Variants in FLCN observed in about 807,000 individuals in gnomAD.
FLCN encodes BHD skin lesion fibrofolliculoma protein.
A neutral mutation model predicts 62.5 loss-of-function variants in FLCN; 22 were observed. That is an observed-to-expected ratio of 0.35 (90% CI 0.25 to 0.50). The LOEUF (loss-of-function observed/expected upper bound fraction) is 0.50. Among genes scored for constraint, FLCN ranks in the 20% least tolerant of loss-of-function variants. FLCN has a pLI of 0.97. For synonymous variants in FLCN, 319 were observed against 310.0 expected (o/e 1.03, Z -0.30); for missense variants, 657 against 778.0 (o/e 0.84, Z 1.85).
intron 11 of FLCN, among the ~76,000 whole-genome samples, chr17:17,215,693 TGAAACC>T: frequency 6.6e-6 from 1 of 152,292 alleles, no homozygotes; most frequent in African/African-American, 2.4e-5. Context: ...GAAGTCTGTT[TGAAACC>T]AGAGCCTGTG....
At chr17:17,224,373 A>G in intron 5 of FLCN, 1 of 575,558 alleles carries the variant, frequency 1.7e-6, no homozygotes. Context: ...AACAAGGCTT[A>G]TTGCTTTTCT....
upstream of FLCN, chr17:17,237,262 G>C (rs1281066726): frequency 6.6e-6 from 1 of 152,272 alleles, no homozygotes; most frequent in African/African-American, 2.4e-5. Flanking sequence ...ACCGCGAGGA[G>C]AGCCGGGCCT....
intron 3 of FLCN, among the ~76,000 whole-genome samples, chr17:17,230,508 C>G (rs1426277670): frequency 1.3e-5 from 2 of 150,746 alleles, no homozygotes; most frequent in Non-Finnish European, 3.0e-5. Flanking sequence ...CGAGCCTGGG[C>G]AACAAAGTGA....
In FLCN at chr17:17,221,105, C is replaced by T. The variant is rs1033835657; in HGVS notation, c.871+432G>A. The T allele has an allele frequency of 8.4e-5, 112 of 1,326,444 alleles. No individual in the cohort carries two copies. In the Admixed American group the frequency reaches 3.2e-3, roughly 38 times the overall value. 82.2% of individuals were successfully genotyped at this position (1,326,444 alleles called of 1,614,324 possible). ...GGGCCCCAAGCCCCAGATCAGGAAC[C>T]TGGGGAAGCCCAGGCACCTGGGAGG... On this transcript the variant is annotated intron_variant, in intron 8 of 13. Coordinates refer to ENST00000285071, the MANE Select transcript of FLCN (RefSeq NM_144997.7).
Position 17,222,568 on chromosome 17 carries a change from C to T in FLCN, c.712G>A (p.Ala238Thr), listed in dbSNP as rs964077477. 3 of 1,614,128 alleles carry T rather than the reference C, an allele frequency of 1.9e-6. No individual in the cohort carries two copies. The highest frequency in any genetic ancestry group is 1.1e-5 in the South Asian group (1 of 91,088). Residue 238 changes from alanine to threonine, a missense_variant, in exon 7 of 14, where the codon GCC becomes ACC. Ala to Thr is a moderately conservative substitution (Grantham distance 58). Transcript: ENST00000285071. ...PFLHQRNGNA[A>T]RSLTSLTSDD... ...CTTGTCAGCGATGTCAGCGAGCGGG[C>T]GGCGTTGCCGTTCCTCTGGTGTAGG...
At chr17:17,226,052 G>T in intron 5 of FLCN, 124 bp downstream of exon 5, 1 of 1,365,500 alleles carries the variant, frequency 7.3e-7, no homozygotes, top group Non-Finnish European at 1.0e-6. Context: ...GTGCTGATCT[G>T]CGGGTCCGCC....
chr17:17,217,638 C>G (rs2046967000), intron 9 of FLCN: 1 of 297,960 alleles, frequency 3.4e-6, no homozygotes, highest in African/African-American at 2.2e-5. Context: ...TGTGCACAAG[C>G]CCAGGGCTGC....
In FLCN at chr17:17,212,709, C is replaced by G. The variant is rs1011841230; in HGVS notation, c.*946G>C. On this transcript the variant is annotated 3_prime_UTR_variant, in exon 14 of 14. Coordinates refer to ENST00000285071, the MANE Select transcript of FLCN (RefSeq NM_144997.7). ...GCTGAGGCAGGAGAATTGCTTGAAC[C>G]CAGGAGGCAGAGGTTGCAGTGAGCC... The G allele has an allele frequency of 3.8e-5, 7 of 183,224 alleles. No individual in the cohort carries two copies. Among genetic ancestry groups the G allele is most frequent in the Non-Finnish European group, 8.1e-5 (7 of 86,314 alleles). 11.3% of individuals were successfully genotyped at this position (183,224 alleles called of 1,614,324 possible).
At chr17:17,221,821 G>A (rs1003473979) in intron 7 of FLCN, among the ~76,000 whole-genome samples, 193 bp from the exon 8 acceptor site, 5 of 152,196 alleles carry the variant, frequency 3.3e-5, no homozygotes, top group Admixed American at 1.3e-4. Flanking sequence ...AGATGGATGG[G>A]AGGAACTTGG....
intron 3 of FLCN, among the ~76,000 whole-genome samples, chr17:17,231,276 G>A (rs1207338157): frequency 2.0e-5 from 3 of 152,278 alleles, no homozygotes; most frequent in African/African-American, 7.2e-5. Flanking sequence ...GCCATGTCCT[G>A]AGTGTTTGCT....
chr17:17,214,749 G>A (rs547193148), intron 13 of FLCN, among the ~76,000 whole-genome samples: 21 of 152,184 alleles, frequency 1.4e-4, no homozygotes, highest in East Asian at 1.2e-3. Flanking sequence ...AGCCTCAGTC[G>A]CTCTCCAAGG....
chr17:17,230,237 C>G (rs908020110), intron 3 of FLCN, among the ~76,000 whole-genome samples: 1 of 152,074 alleles, frequency 6.6e-6, no homozygotes, highest in African/African-American at 2.4e-5. Context: ...TAGGAGAGGC[C>G]GGCACAGTGG....
chr17:17,217,276 T>G (rs1811483214), intron 9 of FLCN, 94 bp from the exon 10 acceptor site: 2 of 893,004 alleles, frequency 2.2e-6, no homozygotes, highest in African/African-American at 3.3e-5. Flanking sequence ...TAAAACTTTG[T>G]AGAGCAAAGA....
chr17:17,215,605 T>C (rs940181785), intron 11 of FLCN, among the ~76,000 whole-genome samples: 1 of 152,210 alleles, frequency 6.6e-6, no homozygotes, highest in Non-Finnish European at 1.5e-5. Context: ...ATGAGGGTGG[T>C]CTCACCATGA....
chr17:17,228,520 A>C, intron 3 of FLCN: 1 of 287,030 alleles, frequency 3.5e-6, no homozygotes, highest in Non-Finnish European at 6.8e-6. Flanking sequence ...AATAGATAAA[A>C]GGCCACAGGG....
intron 3 of FLCN, among the ~76,000 whole-genome samples, chr17:17,230,924 C>A (rs568712749): frequency 6.6e-6 from 1 of 151,752 alleles, no homozygotes; most frequent in Admixed American, 6.6e-5. Flanking sequence ...AGGCTGAGTG[C>A]GGTTGTTCAT....
At position 17,237,031 on chromosome 17, in the gene FLCN, G is replaced by C. The variant is rs2047601246; in HGVS notation, c.-347C>G. ...GGTCGCTGCGGGACCCGGACCGGCGGAATCACACCCAGAGCCCCCAAGCCC... is the reference window on the plus strand; with the variant it reads ...GGTCGCTGCGGGACCCGGACCGGCGCAATCACACCCAGAGCCCCCAAGCCC... On this transcript the variant is annotated 5_prime_UTR_variant, in exon 1 of 14. Transcript: ENST00000285071. The C allele has an allele frequency of 6.6e-6, 1 of 152,204 alleles. No homozygotes were observed. The highest frequency in any genetic ancestry group is 2.4e-5 in the African/African-American group (1 of 41,442). 9.4% of individuals were successfully genotyped at this position (152,204 alleles called of 1,614,324 possible). A position where few individuals can be genotyped will look rare whatever the true frequency, so the allele number is the denominator to read the frequency against.
At position 17,224,042 on chromosome 17, in the gene FLCN, G is replaced by C. The variant is rs1040675580; in HGVS notation, c.498C>G (p.Phe166Leu). The C allele has an allele frequency of 6.2e-7, 1 of 1,613,786 alleles. No homozygotes were observed. Among genetic ancestry groups the C allele is most frequent in the Non-Finnish European group, 8.5e-7 (1 of 1,180,052 alleles). ...FFIKDSLARG[F>L]QRWYSIITIM... ...TGGTGATGATGCTGTACCAGCGCTGGAAGCCCCTGGCCAGGCTGTCCTTGA... is the reference window on the plus strand; with the variant it reads ...TGGTGATGATGCTGTACCAGCGCTGCAAGCCCCTGGCCAGGCTGTCCTTGA... Residue 166 changes from phenylalanine (F) to leucine (L), a missense_variant, in exon 6 of 14, where the codon TTC (phenylalanine) becomes TTG (leucine). By Grantham distance (22) the Phe-to-Leu change is conservative. Transcript: ENST00000285071.
intron 13 of FLCN, among the ~76,000 whole-genome samples, chr17:17,214,664 G>A (rs1376973665): frequency 6.6e-6 from 1 of 151,772 alleles, no homozygotes; most frequent in African/African-American, 2.4e-5. Context: ...GGGCTTTTAG[G>A]TTTTGAAGTT....
Sources: gnomAD v4.1 joint callset for allele counts (sites outside exome capture counted in the v4.1 genomes callset) on GRCh38, gnomAD v4.1.1 for gene constraint, MANE v1.5 for transcripts, NCBI Gene and HGNC (gene_info 2026-07-23, HGNC 2026-07-21) for gene names.